TMEM80: variants seen among roughly 807,000 people sequenced by gnomAD.
TMEM80 encodes transmembrane protein 80.
TMEM80 carries 16 observed loss-of-function variants against 13.6 expected under a neutral mutation model. That is an observed-to-expected ratio of 1.17 (90% CI 0.79 to 1.78). The LOEUF (loss-of-function observed/expected upper bound fraction) is 1.78, where lower values mean the gene tolerates loss of function less well. Ranked by LOEUF, TMEM80 falls within the 40% of genes most tolerant of loss-of-function variation. The probability of loss-of-function intolerance (pLI) is 0.00; values close to 1 mark genes in which losing one functional copy is unlikely to be tolerated. For missense variants in TMEM80, 167 were observed against 184.6 expected, an observed-to-expected ratio of 0.90 and a Z score of 0.55; for synonymous variants, 92 against 89.5, an observed-to-expected ratio of 1.03 and a Z score of -0.16.
At position 698,851 on chromosome 11, in the gene TMEM80, G is replaced by C. The variant is rs202209526; in HGVS notation, c.20-18G>C. The C allele has an allele frequency of 1.2e-6, 2 of 1,614,100 alleles. No individual in the cohort carries two copies. Among genetic ancestry groups the C allele is most frequent in the Non-Finnish European group, 1.7e-6 (2 of 1,180,018 alleles). On this transcript the variant is annotated intron_variant, in intron 1 of 4. Coordinates refer to ENST00000397510, the MANE Select transcript of TMEM80 (RefSeq NM_001042463.3). ...CTGGTGGCTGTCAGGCCTTGCTCAC[G>C]GCCCCTTTCTCTTTCAGGGAGAGGA...
intron 4 of TMEM80, among the ~76,000 whole-genome samples, chr11:702,704 T>C (rs1861551341): frequency 6.6e-6 from 1 of 152,176 alleles, no homozygotes; most frequent in Non-Finnish European, 1.5e-5. Flanking sequence ...CAGAGACAGA[T>C]CAAACCATGC....
intron 1 of TMEM80, among the ~76,000 whole-genome samples, chr11:696,199 A>G (rs978181256): frequency 1.6e-4 from 25 of 152,070 alleles, no homozygotes; most frequent in African/African-American, 6.0e-4. Flanking sequence ...ACTCTCGCCA[A>G]AGAAAATCGC....
At chr11:695,770 A>G, upstream of TMEM80, 1 of 1,237,532 alleles carries the variant, frequency 8.1e-7, no homozygotes, top group Non-Finnish European at 1.0e-6. Context: ...AAGGAGCGCG[A>G]GCGCGCGGGC....
At chr11:698,796 T>G in intron 1 of TMEM80, 73 bp from the exon 2 acceptor site, 1 of 1,564,000 alleles carries the variant, frequency 6.4e-7, no homozygotes, top group Non-Finnish European at 8.8e-7. Flanking sequence ...GTGGTTCCTG[T>G]CAGTGTGGAG....
chr11:699,873 ACAGT>A, intron 2 of TMEM80: 1 of 443,708 alleles, frequency 2.3e-6, no homozygotes, highest in Non-Finnish European at 4.0e-6. Context: ...AGTCCTGTCC[ACAGT>A]CAGGAGGGCA....
Position 700,596 on chromosome 11 carries a change from C to T in TMEM80, c.134-19C>T. On this transcript the variant is annotated intron_variant, in intron 3 of 4. Transcript: ENST00000397510. ...CTGTGCCAGGTTACTTATGTTCCGT[C>T]CGCGCCTCTGCTCTTCAGGTCAGGT... 2 of 1,607,620 alleles carry T rather than the reference C, an allele frequency of 1.2e-6. No homozygotes were observed. Among genetic ancestry groups the T allele is most frequent in the Non-Finnish European group, 1.7e-6 (2 of 1,174,418 alleles).
downstream of TMEM80, chr11:704,575 C>T (rs749472758): frequency 4.7e-6 from 6 of 1,287,848 alleles, no homozygotes; most frequent in South Asian, 7.4e-5. Flanking sequence ...CTGGAGGACC[C>T]AGCCCACAAA....
At chr11:700,761 TC>T in intron 4 of TMEM80, 54 bp downstream of exon 4, 1 of 1,461,060 alleles carries the variant, frequency 6.8e-7, no homozygotes, top group Non-Finnish European at 9.6e-7. Flanking sequence ...GCTATCTGTT[TC>T]CACAGCCTTT....
chr11:695,914 A>T (rs1236477556), intron 1 of TMEM80, 68 bp downstream of exon 1: 6 of 1,164,890 alleles, frequency 5.2e-6, no homozygotes, highest in Middle Eastern at 6.5e-4. Flanking sequence ...TGTGGTGACA[A>T]TCCGGTTTCC....
In TMEM80 at chr11:704,075, G is replaced by C. The variant is rs1474008767; in HGVS notation, c.*925G>C. 1 of 1,129,904 alleles carries C rather than the reference G, an allele frequency of 8.9e-7. No individual in the cohort carries two copies. The highest frequency in any genetic ancestry group is 1.1e-6 in the Non-Finnish European group (1 of 920,038). The allele number at this position is 1,129,904 out of a possible 1,614,324, so 70.0% of individuals were successfully genotyped here. ...TGGAATAATTACACCCAAATATCTA[G>C]ATATTTTCTCTTCACCGCATTTTGT... On this transcript the variant is annotated 3_prime_UTR_variant, in exon 5 of 5. Coordinates refer to ENST00000397510, the MANE Select transcript of TMEM80 (RefSeq NM_001042463.3).
downstream of TMEM80, chr11:704,842 C>CG: frequency 8.1e-6 from 3 of 371,316 alleles, no homozygotes; most frequent in Non-Finnish European, 1.5e-5. Flanking sequence ...ACCCCACCCC[C>CG]CAGCTGTCCT....
At position 695,862 on chromosome 11, in the gene TMEM80, G is replaced by C. The variant is rs1442508482; in HGVS notation, c.19+16G>C. The C allele has an allele frequency of 8.1e-7, 1 of 1,228,364 alleles. No individual in the cohort carries two copies. Among genetic ancestry groups the C allele is most frequent in the East Asian group, 3.2e-5 (1 of 31,578 alleles). 76.1% of individuals were successfully genotyped at this position (1,228,364 alleles called of 1,614,324 possible). On this transcript the variant is annotated intron_variant, in intron 1 of 4. Coordinates refer to ENST00000397510, the MANE Select transcript of TMEM80 (RefSeq NM_001042463.3). ...CCGCGGCGAGGTGAGCTCGGGCGGG[G>C]TGGGGGCTTCCGGGCTTGCAGCGGC...
In TMEM80 at chr11:704,032, T is replaced by C; in HGVS notation, c.*882T>C. Reference sequence around the variant, plus strand: ...GTAGCTTTCCCTTCACTTGATTCTATTGTGTGTTTTCTATGTTTGGAATAA... The same window carrying C: ...GTAGCTTTCCCTTCACTTGATTCTACTGTGTGTTTTCTATGTTTGGAATAA... On this transcript the variant is annotated 3_prime_UTR_variant, in exon 5 of 5. Transcript: ENST00000397510. 1.7e-6 allele frequency: 2 copies of C among 1,193,410 alleles called. No individual in the cohort carries two copies. The highest frequency in any genetic ancestry group is 2.1e-6 in the Non-Finnish European group (2 of 961,768). The allele number at this position is 1,193,410 out of a possible 1,614,324, so 73.9% of individuals were successfully genotyped here. A position where few individuals can be genotyped will look rare whatever the true frequency, so the allele number is the denominator to read the frequency against.
At position 703,618 on chromosome 11, in the gene TMEM80, TC is replaced by T; in HGVS notation, c.*470del. On this transcript the variant is annotated 3_prime_UTR_variant, in exon 5 of 5. Transcript: ENST00000397510. The stretch of plus-strand genomic sequence containing the variant: ...TCCGTGGCCAGGCCCCACCTGTGTT[TC>T]CAAGTCGGGCTGGAGACGCAGGATG... 1 of 1,232,822 alleles carries T rather than the reference TC, an allele frequency of 8.1e-7. No individual in the cohort carries two copies. Among genetic ancestry groups the T allele is most frequent in the South Asian group, 4.1e-5 (1 of 24,516 alleles). 76.4% of individuals were successfully genotyped at this position (1,232,822 alleles called of 1,614,324 possible). A position where few individuals can be genotyped will look rare whatever the true frequency, so the allele number is the denominator to read the frequency against.
Position 703,612 on chromosome 11 carries a change from T to A in TMEM80, c.*462T>A. The A allele has an allele frequency of 8.1e-7, 1 of 1,232,848 alleles. No homozygotes were observed. Among genetic ancestry groups the A allele is most frequent in the Non-Finnish European group, 1.0e-6 (1 of 988,670 alleles). 76.4% of individuals were successfully genotyped at this position (1,232,848 alleles called of 1,614,324 possible). A position where few individuals can be genotyped will look rare whatever the true frequency, so the allele number is the denominator to read the frequency against. ...GTTTACTCCGTGGCCAGGCCCCACC[T>A]GTGTTTCCAAGTCGGGCTGGAGACG... On this transcript the variant is annotated 3_prime_UTR_variant, in exon 5 of 5. Coordinates refer to ENST00000397510, the MANE Select transcript of TMEM80 (RefSeq NM_001042463.3).
At chr11:697,454 T>C (rs1478885953) in intron 1 of TMEM80, 3 of 152,244 alleles carry the variant, frequency 2.0e-5, no homozygotes, top group Non-Finnish European at 4.4e-5. Flanking sequence ...AATGAGCTCC[T>C]GCAGGTCTGG....
At position 703,429 on chromosome 11, in the gene TMEM80, A is replaced by G; in HGVS notation, c.*279A>G. On this transcript the variant is annotated 3_prime_UTR_variant, in exon 5 of 5. Transcript: ENST00000397510. Reference sequence around the variant, plus strand: ...CCAGGAGCGCACACTCAGCCCTGTCAGTGGGGTCTGGCTTTAGCAGCCAGG... The same window carrying G: ...CCAGGAGCGCACACTCAGCCCTGTCGGTGGGGTCTGGCTTTAGCAGCCAGG... The G allele has an allele frequency of 1.0e-5, 13 of 1,302,308 alleles. No individual in the cohort carries two copies. The highest frequency in any genetic ancestry group is 1.3e-5 in the Non-Finnish European group (13 of 1,029,318). The allele number at this position is 1,302,308 out of a possible 1,614,324, so 80.7% of individuals were successfully genotyped here.
rs1861313819 is a variant in TMEM80 at position 698,799 on chromosome 11, G to T, written c.20-70G>T. On this transcript the variant is annotated intron_variant, in intron 1 of 4. Transcript: ENST00000397510. ...AATAAAGCAGGGGTGGTTCCTGTCA[G>T]TGTGGAGCGAGACCCGGGAAAGCAT... The T allele has an allele frequency of 6.3e-6, 10 of 1,576,840 alleles. No individual in the cohort carries two copies. The South Asian group carries it at 1.1e-4, about 17-fold the overall frequency.
rs191783462 is a variant in TMEM80, at chr11:701,653, C to T, written c.226+946C>T. ...TTCCATCTCCTGACCTCCTGATCCG[C>T]CCACCTCGGCCTCCCAAAGTGCTGG... On this transcript the variant is annotated intron_variant, in intron 4 of 4. Coordinates refer to ENST00000397510, the MANE Select transcript of TMEM80 (RefSeq NM_001042463.3). Among the ~76,000 whole-genome samples the T allele has an allele frequency of 7.2e-3, 1,096 of 152,062 alleles. 6 individuals carry two copies. Among genetic ancestry groups the T allele is most frequent in the Admixed American group, 0.013 (198 of 15,292 alleles).
Sources: gnomAD v4.1 joint callset for allele counts (sites outside exome capture counted in the v4.1 genomes callset) on GRCh38, gnomAD v4.1.1 for gene constraint, MANE v1.5 for transcripts, NCBI Gene and HGNC (gene_info 2026-07-23, HGNC 2026-07-21) for gene names.